ATF6: variants seen among roughly 807,000 people sequenced by gnomAD.
ATF6 encodes cyclic AMP-dependent transcription factor ATF-6 alpha.
A neutral mutation model predicts 83.6 loss-of-function variants in ATF6; 53 were observed. That is an observed-to-expected ratio of 0.63 (90% CI 0.51 to 0.80). The LOEUF (loss-of-function observed/expected upper bound fraction) is 0.80, where lower values mean the gene tolerates loss of function less well. Among genes scored for constraint, ATF6 ranks in the 30% least tolerant of loss-of-function variants. ATF6 has a pLI of 0.00. For missense variants in ATF6, 744 were observed against 797.9 expected (o/e 0.93, Z 0.81); for synonymous variants, 288 against 285.8 (o/e 1.01, Z -0.08).
At chr1:161,786,719 A>G (rs1189894143) in intron 4 of ATF6, among the ~76,000 whole-genome samples, 2 of 152,176 alleles carry the variant, frequency 1.3e-5, no homozygotes, top group Non-Finnish European at 2.9e-5. Context: ...TTTAGTGTCT[A>G]CTTCCTACAA....
intron 15 of ATF6, among the ~76,000 whole-genome samples, chr1:161,926,514 C>T (rs1024116973): frequency 6.6e-6 from 1 of 152,114 alleles, no homozygotes; most frequent in Non-Finnish European, 1.5e-5. Context: ...GCAACTGTTC[C>T]GTAAGAGTGA....
At chr1:161,896,114 A>G (rs1397179246) in intron 14 of ATF6, among the ~76,000 whole-genome samples, 1 of 152,108 alleles carries the variant, frequency 6.6e-6, no homozygotes, top group Non-Finnish European at 1.5e-5. Flanking sequence ...CTATCCATCA[A>G]TCGATAGATA....
intron 9 of ATF6, among the ~76,000 whole-genome samples, chr1:161,845,574 T>C (rs10753645): frequency 0.9 from 137,254 of 152,086 alleles, 62,097 homozygotes; most frequent in African/African-American, 0.96. Context: ...TTGAGACTAG[T>C]CTGGGCAACA....
chr1:161,831,324 G>C (rs1686054838), intron 9 of ATF6, among the ~76,000 whole-genome samples: 1 of 152,194 alleles, frequency 6.6e-6, no homozygotes, highest in Non-Finnish European at 1.5e-5. Flanking sequence ...TGGAGAAATA[G>C]GAACACTTTT....
chr1:161,867,211 C>T lies in ATF6; in HGVS notation c.1719+3899C>T, dbSNP rs542815146. Among the ~76,000 whole-genome samples the T allele has an allele frequency of 8.6e-5, 13 of 151,972 alleles. No homozygotes were observed. The South Asian group carries it at 1.9e-3, about 22-fold the overall frequency. On this transcript the variant is annotated intron_variant, in intron 14 of 15. Transcript: ENST00000367942. ...TCAGGAGGCTGAGGCGGGAGAATGGCGTGAACCTGGGAGACGGAGCTTGCA... is the reference window on the plus strand; with the variant it reads ...TCAGGAGGCTGAGGCGGGAGAATGGTGTGAACCTGGGAGACGGAGCTTGCA...
intron 10 of ATF6, among the ~76,000 whole-genome samples, chr1:161,847,464 A>G (rs1267846800): frequency 6.6e-6 from 1 of 152,128 alleles, no homozygotes; most frequent in Non-Finnish European, 1.5e-5. Context: ...ATTTTTGTGG[A>G]GTACAGTATG....
intron 15 of ATF6, among the ~76,000 whole-genome samples, chr1:161,914,977 A>G (rs1056276648): frequency 6.6e-6 from 1 of 152,210 alleles, no homozygotes; most frequent in African/African-American, 2.4e-5. Context: ...CATTAATTTC[A>G]AAGGGATATT....
intron 14 of ATF6, among the ~76,000 whole-genome samples, chr1:161,907,027 G>A (rs1179231889): frequency 6.6e-6 from 1 of 152,100 alleles, no homozygotes; most frequent in Non-Finnish European, 1.5e-5. Flanking sequence ...ATGTCATGAT[G>A]TATGTCTGTA....
At chr1:161,774,435 A>G (rs1172089783) in intron 1 of ATF6, among the ~76,000 whole-genome samples, 1 of 151,878 alleles carries the variant, frequency 6.6e-6, no homozygotes, top group Non-Finnish European at 1.5e-5. Context: ...ACACACACAC[A>G]CATACACACA....
chr1:161,922,839 G>A (rs1054370138), intron 15 of ATF6, among the ~76,000 whole-genome samples: 1 of 152,048 alleles, frequency 6.6e-6, no homozygotes. Context: ...GTAAACAGGG[G>A]CCACATCAGA....
intron 14 of ATF6, among the ~76,000 whole-genome samples, chr1:161,864,665 C>T (rs982824169): frequency 1.3e-5 from 2 of 152,202 alleles, no homozygotes; most frequent in Non-Finnish European, 2.9e-5. Flanking sequence ...CATAGCGTCT[C>T]ATGATCACTG....
intron 7 of ATF6, among the ~76,000 whole-genome samples, chr1:161,802,473 T>C (rs1685179063): frequency 6.6e-6 from 1 of 152,002 alleles, no homozygotes; most frequent in African/African-American, 2.4e-5. Context: ...AGTGAAAAGG[T>C]TTTTGAAAGT....
At chr1:161,770,919 C>G (rs1684369674) in intron 1 of ATF6, among the ~76,000 whole-genome samples, 1 of 152,202 alleles carries the variant, frequency 6.6e-6, no homozygotes, top group Non-Finnish European at 1.5e-5. Flanking sequence ...AACTGTCTTC[C>G]AAAGTGGCTA....
At chr1:161,908,955 A>G (rs1045043013) in intron 14 of ATF6, among the ~76,000 whole-genome samples, 3 of 152,210 alleles carry the variant, frequency 2.0e-5, no homozygotes, top group Non-Finnish European at 4.4e-5. Flanking sequence ...TATGGTTTCT[A>G]TGCTGTTAAA....
chr1:161,901,986 T>A (rs1409193740), intron 14 of ATF6, among the ~76,000 whole-genome samples: 1 of 152,180 alleles, frequency 6.6e-6, no homozygotes, highest in Non-Finnish European at 1.5e-5. Flanking sequence ...AAAATCACAT[T>A]CATTAATATC....
intron 15 of ATF6, among the ~76,000 whole-genome samples, chr1:161,936,678 A>C (rs1044820581): frequency 1.2e-4 from 19 of 152,192 alleles, no homozygotes; most frequent in African/African-American, 4.3e-4. Flanking sequence ...CTTAATCAGC[A>C]TGTGTTTAAT....
At chr1:161,929,063 G>A (rs962217793) in intron 15 of ATF6, among the ~76,000 whole-genome samples, 3 of 152,184 alleles carry the variant, frequency 2.0e-5, no homozygotes, top group East Asian at 3.8e-4. Context: ...TGGGTGCTAG[G>A]CATTGCCTTA....
chr1:161,809,727 G>C (rs1459195245), intron 7 of ATF6, among the ~76,000 whole-genome samples: 1 of 152,180 alleles, frequency 6.6e-6, no homozygotes, highest in Non-Finnish European at 1.5e-5. Context: ...TGTAATGATT[G>C]CCATTCTAAC....
At chr1:161,772,661 C>T (rs2101715464) in intron 1 of ATF6, among the ~76,000 whole-genome samples, 1 of 152,044 alleles carries the variant, frequency 6.6e-6, no homozygotes, top group Non-Finnish European at 1.5e-5. Flanking sequence ...CCTGCATCAG[C>T]ATTTCCCCTC....
Sources: allele counts gnomAD v4.1 joint callset (sites outside exome capture counted in the v4.1 genomes callset), GRCh38; gene constraint gnomAD v4.1.1; transcripts MANE v1.5; gene names NCBI Gene and HGNC (gene_info 2026-07-23, HGNC 2026-07-21).